The following RGS7 variants were observed in gnomAD, a reference collection of about 807,000 sequenced individuals.
The protein encoded by RGS7 is regulator of G-protein signaling 7.
Under a neutral mutation model 81.1 loss-of-function variants are expected in RGS7, and 27 were observed. The observed-to-expected ratio is 0.33, with a 90% confidence interval of 0.25 to 0.46. The LOEUF is 0.46. Ranked by LOEUF, RGS7 falls within the 20% of genes least tolerant of loss-of-function variation. The pLI, the probability that RGS7 is intolerant of heterozygous loss-of-function variation, is 1.00. For missense variants in RGS7, 396 were observed against 607.4 expected, an observed-to-expected ratio of 0.65 and a Z score of 3.66; for synonymous variants, 208 against 207.7, an observed-to-expected ratio of 1.00 and a Z score of -0.01.
chr1:241,093,550 ACACCAATCC>A (rs1291314284), intron 3 of RGS7, among the ~76,000 whole-genome samples: 5 of 152,228 alleles, frequency 3.3e-5, no homozygotes, highest in African/African-American at 1.2e-4. Context: ...AGACCAGCAG[ACACCAATCC>A]CATATTTTTA....
intron 2 of RGS7, among the ~76,000 whole-genome samples, chr1:241,111,030 C>T (rs1235895441): frequency 6.6e-6 from 1 of 152,066 alleles, no homozygotes; most frequent in East Asian, 1.9e-4. Context: ...AGGGGTCTCA[C>T]AATACCTCCA....
intron 3 of RGS7, among the ~76,000 whole-genome samples, chr1:241,057,145 A>G (rs2061513409): frequency 6.6e-6 from 1 of 152,020 alleles, no homozygotes; most frequent in Admixed American, 6.6e-5. Flanking sequence ...CAAATTGATA[A>G]TTTTATATTA....
chr1:241,101,317 G>A (rs1336965195), intron 2 of RGS7, among the ~76,000 whole-genome samples: 3 of 151,960 alleles, frequency 2.0e-5, no homozygotes, highest in Non-Finnish European at 4.4e-5. Flanking sequence ...CCAACATGGC[G>A]CAACCCTGTC....
intron 2 of RGS7, among the ~76,000 whole-genome samples, chr1:241,218,962 G>T (rs776027376): frequency 5.9e-5 from 9 of 152,156 alleles, no homozygotes; most frequent in Non-Finnish European, 1.2e-4. Flanking sequence ...TGGCTAAGAA[G>T]CTATAGGACA....
At chr1:240,880,436 C>T (rs1235861210) in intron 6 of RGS7, among the ~76,000 whole-genome samples, 3 of 152,202 alleles carry the variant, frequency 2.0e-5, no homozygotes, top group South Asian at 4.1e-4. Context: ...GAGACTAATG[C>T]TATTAATCTT....
chr1:240,907,573 G>A (rs1671028335), intron 6 of RGS7, among the ~76,000 whole-genome samples: 1 of 152,162 alleles, frequency 6.6e-6, no homozygotes. Context: ...CTTAAAAGGA[G>A]TATTGTTGTT....
intron 11 of RGS7, 45 bp downstream of exon 11, chr1:240,816,272 G>T: frequency 8.1e-7 from 1 of 1,228,826 alleles, no homozygotes; most frequent in Non-Finnish European, 1.2e-6. Context: ...TTTCATAGCT[G>T]TTACTCTGTA....
At chr1:240,863,657 G>A (rs952738645) in intron 9 of RGS7, among the ~76,000 whole-genome samples, 2 of 152,122 alleles carry the variant, frequency 1.3e-5, no homozygotes, top group Non-Finnish European at 2.9e-5. Flanking sequence ...TTCTACACAT[G>A]TTAGTTGGAT....
intron 2 of RGS7, among the ~76,000 whole-genome samples, chr1:241,099,098 T>C (rs1290366645): frequency 2.0e-5 from 3 of 152,206 alleles, no homozygotes; most frequent in Non-Finnish European, 4.4e-5. Context: ...TCATAGCACA[T>C]TCATGCTTCA....
chr1:240,902,070 G>C (rs989206548), intron 6 of RGS7, among the ~76,000 whole-genome samples: 1 of 152,122 alleles, frequency 6.6e-6, no homozygotes, highest in Non-Finnish European at 1.5e-5. Flanking sequence ...CTTTCCTTTA[G>C]GAAGTTGTCC....
chr1:240,917,330 G>A (rs1332680305), intron 6 of RGS7, among the ~76,000 whole-genome samples: 2 of 152,116 alleles, frequency 1.3e-5, no homozygotes, highest in East Asian at 1.9e-4. Context: ...TAGAGAAGGA[G>A]TAAATGTACG....
At position 240,842,933 on chromosome 1, in the gene RGS7, C is replaced by T. The variant is rs143076877; in HGVS notation, c.610-15761G>A. ...ATCTCAGCACTTTGGGAGGCCTAGG[C>T]GGGTGGATCACCTGAGGTCAGGAGT... On this transcript the variant is annotated intron_variant, in intron 9 of 18. Coordinates refer to ENST00000440928, the MANE Select transcript of RGS7 (RefSeq NM_001364886.1). 8.2e-3 allele frequency among the ~76,000 whole-genome samples: 1,245 copies of T among 151,956 alleles called. 17 individuals are homozygous for T. Among genetic ancestry groups the T allele is most frequent in the African/African-American group, 0.029 (1,196 of 41,442 alleles).
rs1429568461 is a variant in RGS7 at position 241,114,335 on chromosome 1, CTCTT to C, written c.79-15577_79-15574del. On this transcript the variant is annotated intron_variant, in intron 2 of 18. Coordinates refer to ENST00000440928, the MANE Select transcript of RGS7 (RefSeq NM_001364886.1). ...CAGAGCTCGCTCTTTCTCTCTCTCT[CTCTT>C]TCTCTCTCTTTTTATTATAAAGCTT... 2.0e-5 allele frequency among the ~76,000 whole-genome samples: 3 copies of C among 152,208 alleles called. No individual in the cohort carries two copies. The East Asian group carries it at 5.8e-4, about 29-fold the overall frequency.
chr1:240,801,595 G>T (rs1688036597), intron 16 of RGS7, 87 bp from the exon 17 acceptor site: 1 of 934,060 alleles, frequency 1.1e-6, no homozygotes, highest in African/African-American at 1.6e-5. Flanking sequence ...AGCAGAAAAA[G>T]ACAGGATAAT....
At chr1:241,038,709 A>G (rs924978312) in intron 3 of RGS7, among the ~76,000 whole-genome samples, 2 of 152,204 alleles carry the variant, frequency 1.3e-5, no homozygotes, top group Non-Finnish European at 2.9e-5. Context: ...AACGTAGGGT[A>G]GCCAGCCTGA....
intron 13 of RGS7, among the ~76,000 whole-genome samples, chr1:240,812,862 C>T (rs140876488): frequency 6.6e-6 from 1 of 152,104 alleles, no homozygotes; most frequent in Admixed American, 6.5e-5. Flanking sequence ...TGACCTAATC[C>T]CAACTGAGTC....
intron 2 of RGS7, among the ~76,000 whole-genome samples, chr1:241,354,336 A>G (rs1361579): frequency 0.97 from 148,029 of 152,322 alleles, 72,068 homozygotes; most frequent in East Asian, 1. Flanking sequence ...AAACTCAAGT[A>G]GATTATTTTC....
In RGS7 at chr1:241,302,277, C is replaced by T. The variant is rs548962287; in HGVS notation, c.78+53422G>A. Among the ~76,000 whole-genome samples the T allele has an allele frequency of 7.9e-5, 12 of 152,218 alleles. No individual in the cohort carries two copies. In the South Asian group the frequency reaches 1.2e-3, roughly 16 times the overall value. ...AACTTTGGCTTCGGCCGGCCGGGCG[C>T]GGTGGCTTACGCCTGTAATCCCAGC... is the stretch of plus-strand genomic sequence containing the variant. On this transcript the variant is annotated intron_variant, in intron 2 of 18. Transcript: ENST00000440928.
intron 3 of RGS7, among the ~76,000 whole-genome samples, chr1:241,075,090 T>C (rs2062714532): frequency 6.6e-6 from 1 of 152,164 alleles, no homozygotes; most frequent in Non-Finnish European, 1.5e-5. Flanking sequence ...GAGTAGAATA[T>C]TTATTTTTAG....
Sources: gnomAD v4.1 joint callset for allele counts (sites outside exome capture counted in the v4.1 genomes callset) on GRCh38, gnomAD v4.1.1 for gene constraint, MANE v1.5 for transcripts, NCBI Gene and HGNC (gene_info 2026-07-23, HGNC 2026-07-21) for gene names.